Variants in CYP19A1 observed in about 807,000 individuals in gnomAD.
The protein encoded by CYP19A1 is aromatase.
In CYP19A1, 32 loss-of-function variants were observed where a neutral mutation model predicts 44.4. The ratio of observed to expected loss-of-function variants is 0.72; its 90% CI spans 0.54 to 0.97. The LOEUF (loss-of-function observed/expected upper bound fraction) is 0.97. Among genes scored for constraint, CYP19A1 ranks in the 50% least tolerant of loss-of-function variants. The pLI, the probability that CYP19A1 is intolerant of heterozygous loss-of-function variation, is 0.00. For synonymous variants in CYP19A1, 212 were observed against 215.6 expected (o/e 0.98, Z 0.14); for missense variants, 598 against 637.8 (o/e 0.94, Z 0.67).
chr15:51,243,731 C>G (rs1370193553), intron 1 of CYP19A1, among the ~76,000 whole-genome samples: 1 of 152,236 alleles, frequency 6.6e-6, no homozygotes, highest in East Asian at 1.9e-4. Context: ...GCAATAGGCT[C>G]AGGTGCCACT....
chr15:51,327,513 A>AG (rs1009369841), intron 1 of CYP19A1, among the ~76,000 whole-genome samples: 3 of 147,072 alleles, frequency 2.0e-5, no homozygotes, highest in Non-Finnish European at 4.5e-5. Context: ...TTTTCCTTTG[A>AG]GGCAGAATCT....
intron 1 of CYP19A1, among the ~76,000 whole-genome samples, chr15:51,327,882 TA>T (rs55671949): frequency 0.13 from 18,491 of 147,066 alleles, 1,553 homozygotes; most frequent in East Asian, 0.29. Context: ...ATTCATAATA[TA>T]AAAAAAAAAT....
At chr15:51,323,060 T>G (rs1356530902) in intron 1 of CYP19A1, among the ~76,000 whole-genome samples, 1 of 152,242 alleles carries the variant, frequency 6.6e-6, no homozygotes, top group Non-Finnish European at 1.5e-5. Context: ...CAAGCCTTAG[T>G]TGGCTTGGTT....
At chr15:51,291,185 G>A (rs1022435282) in intron 1 of CYP19A1, among the ~76,000 whole-genome samples, 2 of 152,118 alleles carry the variant, frequency 1.3e-5, no homozygotes, top group African/African-American at 2.4e-5. Flanking sequence ...TTTTTGGGTG[G>A]GAATATGATC....
intron 1 of CYP19A1, among the ~76,000 whole-genome samples, chr15:51,269,660 C>G (rs1449963399): frequency 6.6e-6 from 1 of 152,204 alleles, no homozygotes; most frequent in East Asian, 1.9e-4. Flanking sequence ...AGCTCCTAAA[C>G]AATGACAAGC....
chr15:51,251,326 G>C (rs1459482030), intron 1 of CYP19A1, among the ~76,000 whole-genome samples: 2 of 152,144 alleles, frequency 1.3e-5, no homozygotes, highest in African/African-American at 4.8e-5. Context: ...CTCTTTCTGT[G>C]GTGAGATCCA....
At chr15:51,213,919 C>A (rs1352554594) in intron 8 of CYP19A1, among the ~76,000 whole-genome samples, 5 of 152,148 alleles carry the variant, frequency 3.3e-5, no homozygotes, top group African/African-American at 1.2e-4. Flanking sequence ...CTAGGAGGCA[C>A]TCAAGAAAAC....
At chr15:51,255,477 A>G (rs1010463532) in intron 1 of CYP19A1, 8 of 152,242 alleles carry the variant, frequency 5.3e-5, no homozygotes, top group Non-Finnish European at 1.0e-4. Flanking sequence ...ACTCAACAGA[A>G]TATTTGAAAG....
intron 2 of CYP19A1, among the ~76,000 whole-genome samples, chr15:51,237,765 C>T (rs28757171): frequency 2.0e-5 from 3 of 152,146 alleles, no homozygotes. Context: ...AAAGAACATG[C>T]GTCCAGGGAA....
At chr15:51,259,628 T>G (rs923592650) in intron 1 of CYP19A1, among the ~76,000 whole-genome samples, 1 of 152,226 alleles carries the variant, frequency 6.6e-6, no homozygotes, top group African/African-American at 2.4e-5. Flanking sequence ...GACAGTTCTC[T>G]AAATGCAAAC....
chr15:51,260,877 A>T (rs775076246), intron 1 of CYP19A1, among the ~76,000 whole-genome samples: 10 of 152,272 alleles, frequency 6.6e-5, no homozygotes, highest in Non-Finnish European at 1.5e-4. Context: ...CTCTCCTTGT[A>T]TGGGAGCCCT....
At chr15:51,252,715 G>C (rs1050936581) in intron 1 of CYP19A1, among the ~76,000 whole-genome samples, 1 of 152,158 alleles carries the variant, frequency 6.6e-6, no homozygotes, top group African/African-American at 2.4e-5. Context: ...GGCACACGGA[G>C]TGTGCGCCTG....
chr15:51,228,392 A>G (rs916706031), intron 3 of CYP19A1, among the ~76,000 whole-genome samples: 4 of 152,204 alleles, frequency 2.6e-5, no homozygotes, highest in African/African-American at 7.2e-5. Context: ...TGGAATTACT[A>G]AAGTCTTGTT....
intron 1 of CYP19A1, among the ~76,000 whole-genome samples, chr15:51,326,694 T>C (rs989546629): frequency 3.3e-5 from 5 of 152,140 alleles, no homozygotes; most frequent in African/African-American, 7.2e-5. Context: ...GCCAGTAACA[T>C]AGAATTTTGA....
intron 1 of CYP19A1, among the ~76,000 whole-genome samples, chr15:51,325,977 T>C (rs2036602722): frequency 1.3e-5 from 2 of 152,104 alleles, no homozygotes. Flanking sequence ...GCCCATTTTA[T>C]AATAAAGTGT....
chr15:51,330,042 G>A (rs1206629774), intron 1 of CYP19A1, among the ~76,000 whole-genome samples: 2 of 152,168 alleles, frequency 1.3e-5, no homozygotes, highest in African/African-American at 4.8e-5. Context: ...GAGAAGGGGA[G>A]AAGAGGAAAA....
At chr15:51,274,003 TCACACA>T (rs34082137) in intron 1 of CYP19A1, among the ~76,000 whole-genome samples, 2,309 of 149,886 alleles carry the variant, frequency 0.015, 76 homozygotes, top group African/African-American at 0.054. Flanking sequence ...TGAAATTTTG[TCACACA>T]CACACACACA....
intron 1 of CYP19A1, among the ~76,000 whole-genome samples, chr15:51,326,663 T>A (rs991988722): frequency 6.6e-6 from 1 of 152,108 alleles, no homozygotes; most frequent in African/African-American, 2.4e-5. Flanking sequence ...TAACAGAAAA[T>A]GTTCTTTTTT....
chr15:51,230,662 A>T (rs1241714091), intron 3 of CYP19A1, among the ~76,000 whole-genome samples: 2 of 133,850 alleles, frequency 1.5e-5, no homozygotes, highest in Non-Finnish European at 3.1e-5. Flanking sequence ...TCTATCGCCC[A>T]GGCTGGAGTG....
Sources: gnomAD v4.1 joint callset for allele counts (sites outside exome capture counted in the v4.1 genomes callset) on GRCh38, gnomAD v4.1.1 for gene constraint, MANE v1.5 for transcripts, NCBI Gene and HGNC (gene_info 2026-07-23, HGNC 2026-07-21) for gene names.